The following RTL4 variants were observed in gnomAD, a reference collection of about 807,000 sequenced individuals.
The protein encoded by RTL4 is retrotransposon Gag-like protein 4.
In RTL4, 4 loss-of-function variants were observed where a neutral mutation model predicts 5.3. The ratio of observed to expected loss-of-function variants is 0.75; its 90% CI spans 0.37 to 1.72. RTL4 has a LOEUF of 1.72. Among genes scored for constraint, RTL4 ranks in the 40% most tolerant of loss-of-function variants. The pLI is 0.04. For missense variants in RTL4, 260 were observed against 227.1 expected, an observed-to-expected ratio of 1.14 and a Z score of -0.93; for synonymous variants, 98 against 87.3, an observed-to-expected ratio of 1.12 and a Z score of -0.68.
chrX:112,368,871 T>C, the RTL4 span, among the ~76,000 whole-genome samples: 1 of 112,457 alleles, frequency 8.9e-6, no homozygotes, highest in Admixed American at 9.4e-5. Context: ...ATTATTAGAA[T>C]CCACCAATTA....
chrX:112,091,633 T>C, the RTL4 span, among the ~76,000 whole-genome samples: 2 of 111,690 alleles, frequency 1.8e-5, no homozygotes, highest in African/African-American at 6.5e-5. Flanking sequence ...TCTTTGTAAA[T>C]TGAGGACTTG....
chrX:112,132,787 T>C, the RTL4 span, among the ~76,000 whole-genome samples: 5 of 112,390 alleles, frequency 4.4e-5, no homozygotes, highest in African/African-American at 1.6e-4. Flanking sequence ...GAAGGTTAAA[T>C]TTTTTCCTAT....
At chrX:112,332,164 A>G in the RTL4 span, among the ~76,000 whole-genome samples, 1 of 110,286 alleles carries the variant, frequency 9.1e-6, no homozygotes, top group African/African-American at 3.3e-5. Flanking sequence ...ACAATAAAAA[A>G]AAAAAAGTCA....
chrX:112,106,640 G>A, the RTL4 span, among the ~76,000 whole-genome samples: 5 of 110,805 alleles, frequency 4.5e-5, no homozygotes. Flanking sequence ...ACTTCCACCA[G>A]CAGTCTATGA....
At chrX:112,256,919 T>C in the RTL4 span, among the ~76,000 whole-genome samples, 70 of 112,094 alleles carry the variant, frequency 6.2e-4, no homozygotes, top group Admixed American at 1.9e-3. Flanking sequence ...GAGTATTCTC[T>C]GTAGACAATC....
chrX:112,395,443 T>G, the RTL4 span, among the ~76,000 whole-genome samples: 5 of 110,886 alleles, frequency 4.5e-5, no homozygotes, highest in East Asian at 1.4e-3. Context: ...AAAATTTACT[T>G]AAAAAATTTA....
the RTL4 span, among the ~76,000 whole-genome samples, chrX:112,386,056 A>G: frequency 1.8e-5 from 2 of 111,808 alleles, no homozygotes; most frequent in Admixed American, 9.4e-5. Flanking sequence ...CAAATTCCAC[A>G]TGGACTTAAA....
chrX:112,410,937 A>C, the RTL4 span, among the ~76,000 whole-genome samples: 2 of 111,753 alleles, frequency 1.8e-5, no homozygotes, highest in African/African-American at 6.5e-5. Context: ...CAAAATGAAA[A>C]GTTGGTTTTT....
chrX:112,401,230 T>A, the RTL4 span, among the ~76,000 whole-genome samples: 2 of 111,656 alleles, frequency 1.8e-5, no homozygotes, highest in African/African-American at 6.5e-5. Context: ...TCCTGTGACA[T>A]GATTTCCTCT....
At chrX:112,382,501 T>C in the RTL4 span, among the ~76,000 whole-genome samples, 2 of 111,898 alleles carry the variant, frequency 1.8e-5, no homozygotes, top group African/African-American at 6.5e-5. Flanking sequence ...CCATTTACCA[T>C]ACATCAAACT....
the RTL4 span, among the ~76,000 whole-genome samples, chrX:112,389,310 CT>C: frequency 2.1e-5 from 2 of 97,437 alleles, no homozygotes; most frequent in Non-Finnish European, 4.0e-5. Flanking sequence ...AGCTACTGTT[CT>C]AGCTATCATG....
chrX:112,418,938 G>A, the RTL4 span, among the ~76,000 whole-genome samples: 3 of 107,362 alleles, frequency 2.8e-5, no homozygotes, highest in Non-Finnish European at 3.8e-5. Context: ...CTCATATATT[G>A]AAGGACAATG....
chrX:112,187,459 C>G, the RTL4 span, among the ~76,000 whole-genome samples: 29 of 111,341 alleles, frequency 2.6e-4, no homozygotes, highest in African/African-American at 8.8e-4. Context: ...TAGCTGGGGG[C>G]ACCGTGGTAC....
At chrX:112,149,313 A>G in the RTL4 span, among the ~76,000 whole-genome samples, 2 of 111,619 alleles carry the variant, frequency 1.8e-5, no homozygotes, top group Admixed American at 9.5e-5. Flanking sequence ...ATATATTATT[A>G]TATGTGAGAT....
the RTL4 span, among the ~76,000 whole-genome samples, chrX:112,273,499 G>A: frequency 9.0e-6 from 1 of 111,371 alleles, no homozygotes; most frequent in Non-Finnish European, 1.9e-5. Flanking sequence ...TGATCTGCCC[G>A]CCTCGGCCTC....
chrX:112,315,580 C>G, the RTL4 span, among the ~76,000 whole-genome samples: 943 of 111,924 alleles, frequency 8.4e-3, 8 homozygotes, highest in Non-Finnish European at 9.4e-3. Context: ...CATTTTCCCC[C>G]CAACATATAC....
the RTL4 span, among the ~76,000 whole-genome samples, chrX:112,256,644 T>A: frequency 8.9e-6 from 1 of 112,095 alleles, no homozygotes; most frequent in Admixed American, 9.5e-5. Flanking sequence ...TCCATGAATA[T>A]ACCACATGAA....
At chrX:112,429,357 G>T in the RTL4 span, among the ~76,000 whole-genome samples, 1 of 108,572 alleles carries the variant, frequency 9.2e-6, no homozygotes, top group Admixed American at 9.9e-5. Context: ...ATTTTTAATG[G>T]TTGCCTTAGT....
At chrX:112,348,331 C>A in the RTL4 span, among the ~76,000 whole-genome samples, 1 of 107,258 alleles carries the variant, frequency 9.3e-6, no homozygotes, top group Non-Finnish European at 1.9e-5. Context: ...GATCGCTATA[C>A]TTTGATTGCC....
Sources: gnomAD v4.1 joint callset for allele counts (sites outside exome capture counted in the v4.1 genomes callset) on GRCh38, gnomAD v4.1.1 for gene constraint, MANE v1.5 for transcripts, NCBI Gene and HGNC (gene_info 2026-07-23, HGNC 2026-07-21) for gene names.